Variants in GALNS observed in about 807,000 individuals in gnomAD.
GALNS encodes the protein N-acetylgalactosamine-6-sulfatase.
A neutral mutation model predicts 65.9 loss-of-function variants in GALNS; 65 were observed. That is an observed-to-expected ratio of 0.99 (90% CI 0.81 to 1.21). GALNS has a LOEUF of 1.21. Among genes scored for constraint, GALNS ranks in the 50% most tolerant of loss-of-function variants. The pLI, the probability that GALNS is intolerant of heterozygous loss-of-function variation, is 0.00. For missense variants in GALNS, 776 were observed against 700.7 expected (o/e 1.11, Z -1.21); for synonymous variants, 346 against 288.9 (o/e 1.20, Z -2.00).
At chr16:88,835,504 G>A in intron 7 of GALNS, 152 bp from the exon 8 acceptor site, 1 of 1,260,404 alleles carries the variant, frequency 7.9e-7, no homozygotes, top group Non-Finnish European at 1.1e-6. Flanking sequence ...GAAGAGGAAT[G>A]GCCTCAGTTC....
intron 13 of GALNS, chr16:88,816,100 G>A: frequency 1.0e-6 from 1 of 985,400 alleles, no homozygotes; most frequent in Non-Finnish European, 1.2e-6. Flanking sequence ...GACCCCAGTG[G>A]CTCAGCTCGC....
intron 4 of GALNS, among the ~76,000 whole-genome samples, chr16:88,839,953 C>T (rs756289419): frequency 2.0e-5 from 3 of 152,250 alleles, no homozygotes; most frequent in Non-Finnish European, 2.9e-5. Flanking sequence ...GGCTCTTCCT[C>T]CTGTTGGCAC....
At chr16:88,823,191 G>A (rs928834976) in intron 11 of GALNS, among the ~76,000 whole-genome samples, 2 of 152,164 alleles carry the variant, frequency 1.3e-5, no homozygotes, top group Non-Finnish European at 2.9e-5. Context: ...CCCTGCCCTG[G>A]GAGAAGGGAG....
At chr16:88,826,915 C>T (rs1277542967) in intron 9 of GALNS, 77 bp from the exon 10 acceptor site, 7 of 1,517,714 alleles carry the variant, frequency 4.6e-6, no homozygotes, top group East Asian at 2.5e-5. Context: ...CCTGGGGGGG[C>T]GTGAGCCCCG....
At chr16:88,856,574 C>CCGGGG in intron 1 of GALNS, 184 bp downstream of exon 1, 1 of 577,666 alleles carries the variant, frequency 1.7e-6, no homozygotes, top group Non-Finnish European at 3.1e-6. Context: ...CCTCCCCGCA[C>CCGGGG]GGGGATACCC....
intron 3 of GALNS, among the ~76,000 whole-genome samples, chr16:88,841,454 C>A (rs11864722): frequency 0.066 from 10,083 of 152,216 alleles, 1,104 homozygotes; most frequent in African/African-American, 0.23. Context: ...TGCACTGCCC[C>A]ACCCCTGCCT....
Position 88,835,318 on chromosome 16 carries a change from T to G in GALNS, c.793A>C (p.Ile265Leu). 6.2e-7 allele frequency: 1 copy of G among 1,613,688 alleles called. No individual in the cohort carries two copies. Among genetic ancestry groups the G allele is most frequent in the African/African-American group, 1.3e-5 (1 of 75,024 alleles). ...GDAVREIDDS[I>L]GKILELLQDL... ...TGGAGGAGCTCCAGTATCTTCCCAA[T>G]GCTGTCATCAATCTCCCGGACGGCG... is the stretch of plus-strand genomic sequence containing the variant. Residue 265 changes from isoleucine to leucine, a missense_variant, in exon 8 of 14, where the codon ATT becomes CTT. Ile to Leu is a conservative substitution (Grantham distance 5). Coordinates refer to ENST00000268695, the MANE Select transcript of GALNS (RefSeq NM_000512.5).
At chr16:88,850,819 C>T (rs1967474119) in intron 1 of GALNS, among the ~76,000 whole-genome samples, 1 of 152,260 alleles carries the variant, frequency 6.6e-6, no homozygotes, top group Non-Finnish European at 1.5e-5. Context: ...GCGGCCGCCT[C>T]TGCCTGGCAT....
At chr16:88,835,938 C>A in intron 6 of GALNS, 89 bp from the exon 7 acceptor site, 3 of 1,595,792 alleles carry the variant, frequency 1.9e-6, no homozygotes, top group East Asian at 2.3e-5. Flanking sequence ...TCCCACGGGG[C>A]GAGGTTGGTG....
chr16:88,854,541 C>T (rs543123658), intron 1 of GALNS, among the ~76,000 whole-genome samples: 3 of 152,282 alleles, frequency 2.0e-5, no homozygotes, highest in African/African-American at 7.2e-5. Context: ...CCCGAGGCTC[C>T]GAGGCCTGGG....
chr16:88,828,561 C>T (rs991625152), intron 9 of GALNS, among the ~76,000 whole-genome samples: 1 of 152,234 alleles, frequency 6.6e-6, no homozygotes, highest in Admixed American at 6.5e-5. Flanking sequence ...CTGATGCCAT[C>T]GAATTCAATT....
intron 9 of GALNS, 119 bp from the exon 10 acceptor site, chr16:88,826,957 T>G: frequency 8.3e-7 from 1 of 1,199,302 alleles, no homozygotes; most frequent in South Asian, 1.3e-5. Context: ...TATGCATACA[T>G]GCTCACACGC....
intron 13 of GALNS, chr16:88,816,020 C>T (rs1047306533): frequency 3.0e-6 from 3 of 985,370 alleles, no homozygotes; most frequent in African/African-American, 3.5e-5. Context: ...TAAGGAGGGC[C>T]CCCAGGCTTC....
chr16:88,823,212 C>G (rs946145971), intron 11 of GALNS, among the ~76,000 whole-genome samples: 2 of 152,148 alleles, frequency 1.3e-5, no homozygotes, highest in African/African-American at 4.8e-5. Context: ...AGCCACAACG[C>G]TCAGAATCCC....
chr16:88,856,133 G>A (rs1400525156), intron 1 of GALNS: 1 of 701,218 alleles, frequency 1.4e-6, no homozygotes, highest in Non-Finnish European at 2.6e-6. Flanking sequence ...GGCTGGCTGT[G>A]ACCCCTGACC....
chr16:88,818,201 G>T, intron 12 of GALNS, 77 bp from the exon 13 acceptor site: 1 of 1,169,496 alleles, frequency 8.6e-7, no homozygotes, highest in Non-Finnish European at 1.2e-6. Flanking sequence ...GACAGGCTGA[G>T]GCTGCAGAGC....
chr16:88,827,342 T>A (rs1426335367), intron 9 of GALNS, among the ~76,000 whole-genome samples: 3 of 152,110 alleles, frequency 2.0e-5, no homozygotes, highest in African/African-American at 7.2e-5. Context: ...CAGGAGGCTG[T>A]CTTTCCCGCC....
chr16:88,848,441 T>TG, intron 1 of GALNS, among the ~76,000 whole-genome samples: 1 of 151,960 alleles, frequency 6.6e-6, no homozygotes, highest in East Asian at 1.9e-4. Flanking sequence ...AGACCATCCT[T>TG]GCTAACACAG....
chr16:88,826,984 G>A (rs1910999313), intron 9 of GALNS, 146 bp from the exon 10 acceptor site: 4 of 1,008,860 alleles, frequency 4.0e-6, no homozygotes, highest in African/African-American at 1.6e-5. Context: ...CAGGGACTGA[G>A]CGGGGTCACA....
Sources: allele counts gnomAD v4.1 joint callset (sites outside exome capture counted in the v4.1 genomes callset), GRCh38; gene constraint gnomAD v4.1.1; transcripts MANE v1.5; gene names NCBI Gene and HGNC (gene_info 2026-07-23, HGNC 2026-07-21).